The following PRIM2 variants were observed in gnomAD, a reference collection of about 807,000 sequenced individuals.
PRIM2 encodes the protein DNA primase large subunit.
In PRIM2, 39 loss-of-function variants were observed where a neutral mutation model predicts 67.3. That is an observed-to-expected ratio of 0.58 (90% CI 0.45 to 0.76). The LOEUF is 0.76. Ranked by LOEUF, PRIM2 falls within the 30% of genes least tolerant of loss-of-function variation. The probability of loss-of-function intolerance (pLI) is 0.00; values close to 1 mark genes in which losing one functional copy is unlikely to be tolerated. For missense variants in PRIM2, 398 were observed against 598.7 expected (o/e 0.66, Z 3.50); for synonymous variants, 143 against 198.7 (o/e 0.72, Z 2.36).
intron 7 of PRIM2, among the ~76,000 whole-genome samples, chr6:57,503,175 A>G (rs1412229998): frequency 6.6e-6 from 1 of 152,200 alleles, no homozygotes; most frequent in African/African-American, 2.4e-5. Context: ...TGATGACAAG[A>G]TGGAAGAGGT....
the PRIM2 span, among the ~76,000 whole-genome samples, chr6:57,236,214 G>C: frequency 1.1e-4 from 16 of 152,076 alleles, no homozygotes; most frequent in Non-Finnish European, 1.6e-4. Flanking sequence ...ATACCTGGGA[G>C]TCATTCTTGA....
chr6:57,313,939 T>C (rs990872239), upstream of PRIM2, among the ~76,000 whole-genome samples: 1 of 152,240 alleles, frequency 6.6e-6, no homozygotes, highest in Non-Finnish European at 1.5e-5. Flanking sequence ...AGGAGTTATC[T>C]CAGGGTGAAT....
chr6:57,567,290 A>T (rs1775763144), intron 10 of PRIM2, among the ~76,000 whole-genome samples: 2 of 152,068 alleles, frequency 1.3e-5, no homozygotes, highest in African/African-American at 2.4e-5. Flanking sequence ...AAATTTTTTT[A>T]TTTTATGATG....
At chr6:57,446,019 T>G (rs2127387605) in intron 7 of PRIM2, among the ~76,000 whole-genome samples, 1 of 152,364 alleles carries the variant, frequency 6.6e-6, no homozygotes, top group Non-Finnish European at 1.5e-5. Flanking sequence ...CCATGGTCTT[T>G]CTAGTTCTGT....
chr6:57,312,507 A>G (rs909221387), upstream of PRIM2, among the ~76,000 whole-genome samples: 7 of 152,312 alleles, frequency 4.6e-5, no homozygotes, highest in African/African-American at 1.7e-4. Context: ...TTGAAAAAAC[A>G]AATGAACAGA....
At chr6:57,304,488 C>G in the PRIM2 span, among the ~76,000 whole-genome samples, 1 of 152,166 alleles carries the variant, frequency 6.6e-6, no homozygotes, top group Non-Finnish European at 1.5e-5. Flanking sequence ...TGTAGAAAAA[C>G]AGCTGCTCCT....
At chr6:57,397,989 C>G in intron 7 of PRIM2, among the ~76,000 whole-genome samples, 1 of 138,706 alleles carries the variant, frequency 7.2e-6, no homozygotes. Context: ...GAGACGGAGT[C>G]TTGCTCTTGT....
chr6:57,613,006 G>A (rs1304763087), intron 12 of PRIM2, among the ~76,000 whole-genome samples: 5 of 151,856 alleles, frequency 3.3e-5, no homozygotes, highest in African/African-American at 1.2e-4. Context: ...GTGTTGCCTA[G>A]GCTGGTCTTG....
At chr6:57,591,655 A>C (rs1398069566) in intron 10 of PRIM2, among the ~76,000 whole-genome samples, 1 of 152,180 alleles carries the variant, frequency 6.6e-6, no homozygotes, top group South Asian at 2.1e-4. Flanking sequence ...GCTGTTATTA[A>C]AAAGCAAAAA....
At chr6:57,543,338 C>A (rs1229614271) in intron 10 of PRIM2, among the ~76,000 whole-genome samples, 1 of 152,152 alleles carries the variant, frequency 6.6e-6, no homozygotes, top group African/African-American at 2.4e-5. Flanking sequence ...TTTGAAATAA[C>A]AGCTTCTGTT....
At chr6:57,553,555 T>C (rs1775446280) in intron 10 of PRIM2, among the ~76,000 whole-genome samples, 1 of 152,012 alleles carries the variant, frequency 6.6e-6, no homozygotes, top group Non-Finnish European at 1.5e-5. Context: ...TTTTCTGTCT[T>C]TAAAGGTGGA....
chr6:57,585,683 C>G (rs1176012492), intron 10 of PRIM2, among the ~76,000 whole-genome samples: 1 of 152,128 alleles, frequency 6.6e-6, no homozygotes, highest in Non-Finnish European at 1.5e-5. Flanking sequence ...GGGGTTCTCT[C>G]TAAACTGACT....
intron 7 of PRIM2, among the ~76,000 whole-genome samples, chr6:57,458,004 T>C (rs1772863563): frequency 6.6e-6 from 1 of 152,246 alleles, no homozygotes; most frequent in Non-Finnish European, 1.5e-5. Flanking sequence ...CATTCAGCCT[T>C]GGCATTTATC....
rs1188348976 is a variant in PRIM2 at position 57,516,125 on chromosome 6, C to T, written c.761+8671C>T. Among the ~76,000 whole-genome samples, 191 of 151,750 alleles carry T rather than the reference C, an allele frequency of 1.3e-3. 4 individuals carry two copies. In the East Asian group the frequency reaches 0.015, roughly 12 times the overall value. ...TTATGCTGCTGTGTCACACTGCCTC[C>T]AACCTGAGAAAGTTTTCTGCTTTTA... On this transcript the variant is annotated intron_variant, in intron 8 of 13. Coordinates refer to ENST00000615550, the MANE Select transcript of PRIM2 (RefSeq NM_000947.5).
At chr6:57,586,478 T>A (rs1776189099) in intron 10 of PRIM2, among the ~76,000 whole-genome samples, 1 of 152,166 alleles carries the variant, frequency 6.6e-6, no homozygotes, top group East Asian at 1.9e-4. Flanking sequence ...AGAAGTGTAA[T>A]GACAAATACT....
At chr6:57,313,885 C>A (rs540021061), upstream of PRIM2, among the ~76,000 whole-genome samples, 1 of 152,224 alleles carries the variant, frequency 6.6e-6, no homozygotes, top group East Asian at 1.9e-4. Flanking sequence ...AAATTCTCAG[C>A]TGTAAGTGTG....
chr6:57,271,659 C>G, the PRIM2 span, among the ~76,000 whole-genome samples: 2 of 152,098 alleles, frequency 1.3e-5, no homozygotes, highest in African/African-American at 4.8e-5. Context: ...TTATTTCTTG[C>G]CTTCTGCTGG....
At chr6:57,423,752 G>A (rs1407712952) in intron 7 of PRIM2, among the ~76,000 whole-genome samples, 1 of 152,160 alleles carries the variant, frequency 6.6e-6, no homozygotes, top group African/African-American at 2.4e-5. Flanking sequence ...AAAGGATCCC[G>A]TGCTGCCTGG....
At chr6:57,239,920 A>C in the PRIM2 span, among the ~76,000 whole-genome samples, 1 of 152,192 alleles carries the variant, frequency 6.6e-6, no homozygotes. Flanking sequence ...GTTATGCACC[A>C]TGCTAACTCT....
Sources: gnomAD v4.1 joint callset for allele counts (sites outside exome capture counted in the v4.1 genomes callset) on GRCh38, gnomAD v4.1.1 for gene constraint, MANE v1.5 for transcripts, NCBI Gene and HGNC (gene_info 2026-07-23, HGNC 2026-07-21) for gene names.